LLGL1: variants seen among roughly 807,000 people sequenced by gnomAD.
LLGL1 encodes the protein lethal(2) giant larvae protein homolog 1.
In LLGL1, 58 loss-of-function variants were observed where a neutral mutation model predicts 110.6. The ratio of observed to expected loss-of-function variants is 0.52; its 90% CI spans 0.42 to 0.65. LLGL1 has a LOEUF of 0.65. LLGL1 is among the 30% of genes least tolerant of loss of function. The pLI is 0.00. For synonymous variants in LLGL1, 674 were observed against 607.2 expected, an observed-to-expected ratio of 1.11 and a Z score of -1.62; for missense variants, 1,229 against 1,462.1, an observed-to-expected ratio of 0.84 and a Z score of 2.60.
chr17:18,235,082 C>G lies in LLGL1; in HGVS notation c.1061-7C>G. On this transcript the variant is annotated splice_polypyrimidine_tract_variant and splice_region_variant and intron_variant, in intron 9 of 22. Coordinates refer to ENST00000316843, the MANE Select transcript of LLGL1 (RefSeq NM_004140.4). ...TGTGCTCACCCCATACTCCCTCCGT[C>G]CCACAGAATTTGATGACCCCCAGGC... is the stretch of plus-strand genomic sequence containing the variant. 1 of 1,613,956 alleles carries G rather than the reference C, an allele frequency of 6.2e-7. No individual in the cohort carries two copies. The highest frequency in any genetic ancestry group is 2.2e-5 in the East Asian group (1 of 44,890).
rs747367503 is a variant in LLGL1 at position 18,236,956 on chromosome 17, C to G, written c.1611+17C>G. 6.3e-7 allele frequency: 1 copy of G among 1,599,194 alleles called. No homozygotes were observed. The highest frequency in any genetic ancestry group is 1.7e-5 in the Admixed American group (1 of 59,184). On this transcript the variant is annotated intron_variant, in intron 13 of 22. Coordinates refer to ENST00000316843, the MANE Select transcript of LLGL1 (RefSeq NM_004140.4). ...GCAGGCCAGGTAGGGCTGGGTGTCC[C>G]CTGGGTTGGAGATGTCAGGGAGGGC...
In LLGL1 at chr17:18,236,625, G is replaced by T. The variant is rs1302620161; in HGVS notation, c.1371G>T (p.Val457=). ...CCTGCAGCCATGAGGACGGCACCGT[G>T]AGGTTCTGGGATGCCTCGGGTGTGG... The part of the protein sequence containing the change: ...LLLTGHEDGT[V]RFWDASGVAL... The change falls in exon 12 of 23, where the codon GTG becomes GTT. Residue 457 remains valine (V), a synonymous_variant. Coordinates refer to ENST00000316843, the MANE Select transcript of LLGL1 (RefSeq NM_004140.4). 5.0e-6 allele frequency: 8 copies of T among 1,612,298 alleles called. No individual in the cohort carries two copies. The Admixed American group carries it at 1.2e-4, about 24-fold the overall frequency.
Position 18,238,223 on chromosome 17 carries a change from G to T in LLGL1, c.2052+9G>T, listed in dbSNP as rs779690635. The T allele has an allele frequency of 6.2e-7, 1 of 1,609,682 alleles. No homozygotes were observed. The highest frequency in any genetic ancestry group is 8.5e-7 in the Non-Finnish European group (1 of 1,179,988). On this transcript the variant is annotated intron_variant, in intron 15 of 22. Transcript: ENST00000316843. ...CTAATGCCAGCAGCAAGGTGAGCTG[G>T]GGTGGGCTGCACAGGAGCTGTGCCT...
rs1405214472 is a variant in LLGL1 at position 18,235,504 on chromosome 17, A to G, written c.1319A>G (p.Gln440Arg). 6.2e-7 allele frequency: 1 copy of G among 1,613,924 alleles called. No homozygotes were observed. Among genetic ancestry groups the G allele is most frequent in the Admixed American group, 1.7e-5 (1 of 60,012 alleles). The change falls in exon 11 of 23, where the codon CAG (glutamine) becomes CGG (arginine). Residue 440 changes from glutamine to arginine, a missense_variant. Physicochemically the swap from Gln to Arg is conservative, Grantham distance 43. Coordinates refer to ENST00000316843, the MANE Select transcript of LLGL1 (RefSeq NM_004140.4). ...WPITGGRNLA[Q>R]EPSQRGLLLT... ...ATCACTGGGGGCCGAAACCTGGCCC[A>G]GGAGCCGTCACAGCGAGGGCTGCTG...
rs1353979513 is a variant in LLGL1 at position 18,235,082 on chromosome 17, C to A, written c.1061-7C>A. ...TGTGCTCACCCCATACTCCCTCCGT[C>A]CCACAGAATTTGATGACCCCCAGGC... On this transcript the variant is annotated splice_polypyrimidine_tract_variant and splice_region_variant and intron_variant, in intron 9 of 22. Transcript: ENST00000316843. 6.2e-7 allele frequency: 1 copy of A among 1,613,956 alleles called. No individual in the cohort carries two copies. The highest frequency in any genetic ancestry group is 8.5e-7 in the Non-Finnish European group (1 of 1,179,998).
intron 13 of LLGL1, 117 bp downstream of exon 13, chr17:18,237,056 T>C (rs1260664810): frequency 6.8e-6 from 6 of 888,588 alleles, no homozygotes; most frequent in South Asian, 1.6e-5. Flanking sequence ...AAGGTGGGAA[T>C]AGGGCTCTGG....
At position 18,241,914 on chromosome 17, in the gene LLGL1, G is replaced by A; in HGVS notation, c.2797G>A (p.Glu933Lys). The A allele has an allele frequency of 6.2e-7, 1 of 1,614,128 alleles. No individual in the cohort carries two copies. The highest frequency in any genetic ancestry group is 1.1e-5 in the South Asian group (1 of 91,078). The change falls in exon 19 of 23, where the codon GAA becomes AAA. Residue 933 changes from glutamate to lysine, a missense_variant. Coordinates refer to ENST00000316843, the MANE Select transcript of LLGL1 (RefSeq NM_004140.4). The stretch of plus-strand genomic sequence containing the variant: ...TTACCTGATATCCCCATCAGAATTT[G>A]AACGCTTCTCCCTAAGTGCCCGGAA... ...GFYLISPSEF[E>K]RFSLSARNIT...
chr17:18,227,732 G>C (rs867542158), intron 1 of LLGL1, among the ~76,000 whole-genome samples: 2 of 152,226 alleles, frequency 1.3e-5, no homozygotes, highest in Non-Finnish European at 2.9e-5. Flanking sequence ...GTGTGCAGTG[G>C]GGGCTGGAGA....
chr17:18,236,996 G>A (rs1297803842), intron 13 of LLGL1, 57 bp downstream of exon 13: 5 of 1,401,354 alleles, frequency 3.6e-6, no homozygotes, highest in Middle Eastern at 1.7e-4. Context: ...TGGAAGAGAT[G>A]AGCTGGAGGG....
chr17:18,242,538 C>T lies in LLGL1; in HGVS notation c.3026C>T (p.Ser1009Leu). ...DTPEPPEAAL[S>L]PMSIDSATSA... ...CCGGAGCCACCCGAGGCTGCACTCT[C>T]ACCCATGTCCATCGACTCAGCCACC... Residue 1009 changes from serine (S) to leucine (L), a missense_variant, in exon 21 of 23, where the codon TCA becomes TTA. Transcript: ENST00000316843. The T allele has an allele frequency of 6.2e-7, 1 of 1,614,028 alleles. No homozygotes were observed. The highest frequency in any genetic ancestry group is 2.2e-5 in the East Asian group (1 of 44,882).
rs115768605 is a variant in LLGL1 at position 18,241,257 on chromosome 17, G to A, written c.2503-194G>A. On this transcript the variant is annotated intron_variant, in intron 17 of 22. Transcript: ENST00000316843. ...ATTGATTTTGTCACAGATCGAGAGA[G>A]GGCCTGGGAGGTTTCTGGAGTACAG... 2,221 of 655,862 alleles carry A rather than the reference G, an allele frequency of 3.4e-3. 35 individuals carry two copies. In the African/African-American group the frequency reaches 0.036, roughly 11 times the overall value. The allele number at this position is 655,862 out of a possible 1,614,324, so 40.6% of individuals were successfully genotyped here.
At chr17:18,228,494 C>T (rs1362211703) in intron 1 of LLGL1, among the ~76,000 whole-genome samples, 1 of 152,186 alleles carries the variant, frequency 6.6e-6, no homozygotes, top group African/African-American at 2.4e-5. Flanking sequence ...CCAATCCAGG[C>T]ACGTGACGGT....
rs778891148 is a variant in LLGL1, at chr17:18,238,208, C to T, written c.2046C>T (p.Ser682=). Residue 682 remains serine (S), a synonymous_variant, in exon 15 of 23, where the codon AGC becomes AGT. Coordinates refer to ENST00000316843, the MANE Select transcript of LLGL1 (RefSeq NM_004140.4). Reference sequence around the variant, plus strand: ...GCAAGAAGCGGGCTGCTAATGCCAGCAGCAAGGTGAGCTGGGGTGGGCTGC... The same window carrying T: ...GCAAGAAGCGGGCTGCTAATGCCAGTAGCAAGGTGAGCTGGGGTGGGCTGC... ...VSGKKRAANA[S]SKLQEANAQL... is the part of the protein sequence containing the mutation. 1 of 1,611,184 alleles carries T rather than the reference C, an allele frequency of 6.2e-7. No homozygotes were observed. Among genetic ancestry groups the T allele is most frequent in the South Asian group, 1.1e-5 (1 of 91,072 alleles).
At position 18,235,190 on chromosome 17, in the gene LLGL1, G is replaced by T; in HGVS notation, c.1162G>T (p.Ala388Ser). The T allele has an allele frequency of 6.2e-7, 1 of 1,612,394 alleles. No homozygotes were observed. Among genetic ancestry groups the T allele is most frequent in the Non-Finnish European group, 8.5e-7 (1 of 1,180,008 alleles). ...GCCAGCTGTGCCTGCCCCATACCTG[G>T]CCCCGCTGCACTCCTCTGCAATCAC... is the stretch of plus-strand genomic sequence containing the variant. ...GWPAVPAPYL[A>S]PLHSSAITCS... The change falls in exon 10 of 23, where the codon GCC becomes TCC. Residue 388 changes from alanine to serine, a missense_variant. Physicochemically the swap from Ala to Ser is moderately conservative, Grantham distance 99. Coordinates refer to ENST00000316843, the MANE Select transcript of LLGL1 (RefSeq NM_004140.4).
chr17:18,235,520 AGGGCTGCTGCTGACG>A lies in LLGL1; in HGVS notation c.1339_1352+1del. 6.2e-7 allele frequency: 1 copy of A among 1,613,854 alleles called. No individual in the cohort carries two copies. Among genetic ancestry groups the A allele is most frequent in the Non-Finnish European group, 8.5e-7 (1 of 1,179,948 alleles). On this transcript the variant is annotated inframe_deletion and splice_region_variant, in exon 11 of 23. Transcript: ENST00000316843. Reference sequence around the variant, plus strand: ...ACCTGGCCCAGGAGCCGTCACAGCGAGGGCTGCTGCTGACGGGGTAGGTGTGCGTGCTTATGTGGG... The same window carrying A: ...ACCTGGCCCAGGAGCCGTCACAGCGAGGGTAGGTGTGCGTGCTTATGTGGG...
intron 16 of LLGL1, among the ~76,000 whole-genome samples, chr17:18,239,266 T>C (rs1336113229): frequency 1.3e-5 from 2 of 151,978 alleles, no homozygotes; most frequent in African/African-American, 4.8e-5. Flanking sequence ...AGGTGTGTGG[T>C]TCAGGGAGAT....
Position 18,235,069 on chromosome 17 carries a change from A to G in LLGL1, c.1061-20A>G, listed in dbSNP as rs1326819044. On this transcript the variant is annotated intron_variant, in intron 9 of 22. Transcript: ENST00000316843. The stretch of plus-strand genomic sequence containing the variant: ...TGCCACCTATGGCTGTGCTCACCCC[A>G]TACTCCCTCCGTCCCACAGAATTTG... 1.9e-6 allele frequency: 3 copies of G among 1,613,042 alleles called. No individual in the cohort carries two copies. The highest frequency in any genetic ancestry group is 2.5e-6 in the Non-Finnish European group (3 of 1,179,358).
intron 9 of LLGL1, 43 bp downstream of exon 9, chr17:18,235,036 G>A (rs2047660752): frequency 6.2e-7 from 1 of 1,613,642 alleles, no homozygotes; most frequent in South Asian, 1.1e-5. Flanking sequence ...GCCCCACCTG[G>A]TGCCCTCTGC....
chr17:18,225,986 C>T (rs1345367563), intron 1 of LLGL1, among the ~76,000 whole-genome samples: 3 of 151,992 alleles, frequency 2.0e-5, no homozygotes, highest in Non-Finnish European at 4.4e-5. Flanking sequence ...TGTCTGCTCC[C>T]CGAGTCTCTG....
Sources: allele counts gnomAD v4.1 joint callset (sites outside exome capture counted in the v4.1 genomes callset), GRCh38; gene constraint gnomAD v4.1.1; transcripts MANE v1.5; gene names NCBI Gene and HGNC (gene_info 2026-07-23, HGNC 2026-07-21).